CCDC178: variants seen among roughly 807,000 people sequenced by gnomAD.
The protein encoded by CCDC178 is coiled-coil domain-containing protein 178.
Under a neutral mutation model 117.4 loss-of-function variants are expected in CCDC178, and 126 were observed. That is an observed-to-expected ratio of 1.07 (90% confidence interval 0.93 to 1.24). The LOEUF (loss-of-function observed/expected upper bound fraction) is 1.24, where lower values mean the gene tolerates loss of function less well. Ranked by LOEUF, CCDC178 falls within the 50% of genes most tolerant of loss-of-function variation. CCDC178 has a pLI of 0.00. For synonymous variants in CCDC178, 283 were observed against 313.4 expected, an observed-to-expected ratio of 0.90 and a Z score of 1.02; for missense variants, 1,030 against 986.9, an observed-to-expected ratio of 1.04 and a Z score of -0.59.
At chr18:32,989,217 C>T (rs1048945069) in intron 21 of CCDC178, among the ~76,000 whole-genome samples, 2 of 152,048 alleles carry the variant, frequency 1.3e-5, no homozygotes, top group African/African-American at 4.8e-5. Flanking sequence ...ATATATGTGG[C>T]AAGTATTTGT....
At chr18:33,271,742 A>G (rs887245893) in intron 12 of CCDC178, among the ~76,000 whole-genome samples, 3 of 151,486 alleles carry the variant, frequency 2.0e-5, no homozygotes, top group African/African-American at 7.2e-5. Flanking sequence ...GAAATTATAA[A>G]TCAATAACAC....
chr18:33,161,419 A>G (rs562770415), intron 20 of CCDC178, among the ~76,000 whole-genome samples: 3 of 152,058 alleles, frequency 2.0e-5, no homozygotes, highest in Non-Finnish European at 4.4e-5. Flanking sequence ...CAATATATGA[A>G]AAGGCCATTC....
At position 33,312,473 on chromosome 18, in the gene CCDC178, C is replaced by G. The variant is rs551893322; in HGVS notation, c.1022+11018G>C. Among the ~76,000 whole-genome samples, 52 of 152,278 alleles carry G rather than the reference C, an allele frequency of 3.4e-4. No individual in the cohort carries two copies. The South Asian group carries it at 0.011, about 32-fold the overall frequency. On this transcript the variant is annotated intron_variant, in intron 11 of 22. Coordinates refer to ENST00000383096, the MANE Select transcript of CCDC178 (RefSeq NM_001105528.4). ...TAAAACCCAGCTCATGAGGCCCCAG[C>G]AGTATCCCTACCCAACATAAGCAAA...
chr18:33,182,234 A>G (rs1385700213), intron 20 of CCDC178, among the ~76,000 whole-genome samples: 1 of 151,916 alleles, frequency 6.6e-6, no homozygotes, highest in Non-Finnish European at 1.5e-5. Flanking sequence ...AGGCTGAAAT[A>G]CACTGGTGGA....
At chr18:33,044,984 C>A (rs2056616174) in intron 21 of CCDC178, among the ~76,000 whole-genome samples, 1 of 152,036 alleles carries the variant, frequency 6.6e-6, no homozygotes, top group African/African-American at 2.4e-5. Flanking sequence ...ACATACAGAG[C>A]AGACACTGAA....
intron 21 of CCDC178, among the ~76,000 whole-genome samples, chr18:33,011,787 A>T (rs1241460297): frequency 1.6e-3 from 192 of 116,478 alleles, no homozygotes; most frequent in African/African-American, 6.6e-3. Flanking sequence ...AAAAAAAAAA[A>T]AAAAAAAAAA....
intron 14 of CCDC178, among the ~76,000 whole-genome samples, chr18:33,253,898 G>A (rs1385249639): frequency 6.6e-6 from 1 of 151,754 alleles, no homozygotes; most frequent in Admixed American, 6.6e-5. Flanking sequence ...CATCAAAGTT[G>A]TAATCAAGAT....
chr18:32,963,118 C>A (rs750641341), intron 22 of CCDC178, among the ~76,000 whole-genome samples: 2 of 151,972 alleles, frequency 1.3e-5, no homozygotes, highest in Non-Finnish European at 1.5e-5. Context: ...ACCTCACAGC[C>A]AAATTGCCTA....
intron 2 of CCDC178, among the ~76,000 whole-genome samples, 172 bp downstream of exon 2, chr18:33,439,790 G>A (rs913301573): frequency 1.3e-5 from 2 of 152,200 alleles, no homozygotes; most frequent in Non-Finnish European, 1.5e-5. Flanking sequence ...GGAGTGATAA[G>A]CTACCAAGTC....
chr18:33,121,497 T>C (rs968246675), intron 20 of CCDC178, among the ~76,000 whole-genome samples: 2 of 152,166 alleles, frequency 1.3e-5, no homozygotes, highest in African/African-American at 4.8e-5. Context: ...TAGACACAGA[T>C]ATAGACATAG....
chr18:33,401,705 T>C (rs1054437666), intron 3 of CCDC178, among the ~76,000 whole-genome samples: 2 of 152,066 alleles, frequency 1.3e-5, no homozygotes, highest in African/African-American at 4.8e-5. Flanking sequence ...AAAATGATAC[T>C]TTTATCTTCT....
At chr18:33,331,839 C>T (rs184527930) in intron 10 of CCDC178, among the ~76,000 whole-genome samples, 165 of 152,216 alleles carry the variant, frequency 1.1e-3, no homozygotes, top group Non-Finnish European at 1.7e-3. Context: ...ATGTGTATAA[C>T]CCACAATCCA....
At chr18:32,988,194 G>A (rs187329060) in intron 21 of CCDC178, among the ~76,000 whole-genome samples, 2 of 152,080 alleles carry the variant, frequency 1.3e-5, no homozygotes, top group East Asian at 1.9e-4. Flanking sequence ...CACTTTGGGA[G>A]ACTGAGGCAG....
intron 21 of CCDC178, among the ~76,000 whole-genome samples, chr18:32,998,516 A>G (rs1377132904): frequency 6.6e-6 from 1 of 152,152 alleles, no homozygotes; most frequent in Non-Finnish European, 1.5e-5. Context: ...GAGAGTGTTT[A>G]CACCACCCTT....
chr18:33,023,373 T>C (rs941365198), intron 21 of CCDC178, among the ~76,000 whole-genome samples: 1 of 152,178 alleles, frequency 6.6e-6, no homozygotes, highest in Non-Finnish European at 1.5e-5. Flanking sequence ...ATTGAAATCA[T>C]ACAGAATGTT....
intron 21 of CCDC178, among the ~76,000 whole-genome samples, chr18:32,989,318 T>A (rs1335310284): frequency 2.0e-5 from 3 of 152,188 alleles, no homozygotes; most frequent in African/African-American, 7.2e-5. Flanking sequence ...AATCTAAACA[T>A]ACATTTTACC....
intron 20 of CCDC178, among the ~76,000 whole-genome samples, chr18:33,153,079 T>A: frequency 6.7e-6 from 1 of 149,402 alleles, no homozygotes; most frequent in East Asian, 1.9e-4. Context: ...GAAGCAGAAT[T>A]ACATAAGAAA....
intron 21 of CCDC178, among the ~76,000 whole-genome samples, chr18:33,013,797 C>G (rs1391241852): frequency 6.6e-6 from 1 of 152,182 alleles, no homozygotes; most frequent in Non-Finnish European, 1.5e-5. Flanking sequence ...ATACAAAGAT[C>G]TTGCCAATGT....
chr18:33,256,453 G>C (rs1035302343), intron 14 of CCDC178, among the ~76,000 whole-genome samples: 2 of 152,036 alleles, frequency 1.3e-5, no homozygotes, highest in East Asian at 3.9e-4. Flanking sequence ...GAAGGATGCA[G>C]ATGCTGTCCC....
Sources: allele counts gnomAD v4.1 joint callset (sites outside exome capture counted in the v4.1 genomes callset), GRCh38; gene constraint gnomAD v4.1.1; transcripts MANE v1.5; gene names NCBI Gene and HGNC (gene_info 2026-07-23, HGNC 2026-07-21).